UNC13C: variants seen among roughly 807,000 people sequenced by gnomAD.
The protein encoded by UNC13C is protein unc-13 homolog C.
In UNC13C, 174 loss-of-function variants were observed where a neutral mutation model predicts 245.4. That is an observed-to-expected ratio of 0.71 (90% CI 0.63 to 0.80). The LOEUF is 0.80. Among genes scored for constraint, UNC13C ranks in the 30% least tolerant of loss-of-function variants. The pLI is 0.00. For synonymous variants in UNC13C, 992 were observed against 895.1 expected, an observed-to-expected ratio of 1.11 and a Z score of -1.93; for missense variants, 2,829 against 2,602.9, an observed-to-expected ratio of 1.09 and a Z score of -1.89.
At chr15:54,413,183 G>A (rs1446332571) in intron 18 of UNC13C, among the ~76,000 whole-genome samples, 1 of 151,858 alleles carries the variant, frequency 6.6e-6, no homozygotes, top group Admixed American at 6.6e-5. Context: ...ATTTTTTGTT[G>A]AAGATTTTTA....
chr15:54,320,982 C>G (rs750523289), intron 13 of UNC13C: 32 of 418,176 alleles, frequency 7.7e-5, no homozygotes, highest in Non-Finnish European at 1.3e-4. Context: ...ACCATATCCA[C>G]TACCACCACA....
intron 2 of UNC13C, among the ~76,000 whole-genome samples, chr15:54,140,556 C>A (rs970479518): frequency 5.9e-5 from 9 of 152,152 alleles, no homozygotes; most frequent in Non-Finnish European, 1.2e-4. Context: ...AGAAGTGTCA[C>A]AAGTTTCCAG....
At chr15:53,856,042 T>G in the UNC13C span, among the ~76,000 whole-genome samples, 2 of 152,208 alleles carry the variant, frequency 1.3e-5, no homozygotes, top group Non-Finnish European at 2.9e-5. Context: ...TCCAGGAATT[T>G]ATCCATTTTT....
chr15:54,384,225 A>T (rs2039788242), intron 17 of UNC13C, among the ~76,000 whole-genome samples: 1 of 152,104 alleles, frequency 6.6e-6, no homozygotes, highest in African/African-American at 2.4e-5. Context: ...TAAAGAACAA[A>T]CCCGGAGGCA....
intron 17 of UNC13C, among the ~76,000 whole-genome samples, chr15:54,358,173 C>T (rs1163070498): frequency 1.3e-5 from 2 of 151,902 alleles, no homozygotes; most frequent in Non-Finnish European, 2.9e-5. Flanking sequence ...ATACCTTTGG[C>T]CAATGTGTCT....
At chr15:54,166,186 G>A (rs761841671) in intron 4 of UNC13C, among the ~76,000 whole-genome samples, 1 of 151,722 alleles carries the variant, frequency 6.6e-6, no homozygotes, top group Non-Finnish European at 1.5e-5. Flanking sequence ...ATATTCTCTT[G>A]ATTTCTGCCT....
chr15:53,900,937 C>CATT, the UNC13C span, among the ~76,000 whole-genome samples: 1 of 151,962 alleles, frequency 6.6e-6, no homozygotes, highest in African/African-American at 2.4e-5. Context: ...TCCTTTTCAA[C>CATT]ATTAGTCTTG....
the UNC13C span, chr15:53,972,619 T>C: frequency 6.6e-6 from 1 of 152,148 alleles, no homozygotes; most frequent in Non-Finnish European, 1.5e-5. Context: ...ACAAAGGACA[T>C]CGCCACAAAA....
chr15:54,454,317 C>T (rs758562086), intron 19 of UNC13C, among the ~76,000 whole-genome samples: 1 of 152,090 alleles, frequency 6.6e-6, no homozygotes, highest in South Asian at 2.1e-4. Flanking sequence ...TGGCTCACGT[C>T]TGTAATCCCA....
At chr15:53,956,898 G>GTGTGTGTGTGTT in the UNC13C span, among the ~76,000 whole-genome samples, 2 of 151,894 alleles carry the variant, frequency 1.3e-5, no homozygotes, top group Non-Finnish European at 2.9e-5. Flanking sequence ...GTGTGTGTGT[G>GTGTGTGTGTGTT]TGTGTGTGCA....
intron 30 of UNC13C, among the ~76,000 whole-genome samples, chr15:54,589,892 T>A (rs1898694136): frequency 6.6e-6 from 1 of 152,144 alleles, no homozygotes; most frequent in African/African-American, 2.4e-5. Flanking sequence ...GTTTTTCCAA[T>A]GTTATCGTCT....
intron 2 of UNC13C, among the ~76,000 whole-genome samples, chr15:54,024,078 A>C (rs923410226): frequency 1.3e-5 from 2 of 152,190 alleles, no homozygotes; most frequent in Non-Finnish European, 2.9e-5. Context: ...TTATGTGAGA[A>C]TGGGGTAGAT....
At chr15:54,463,158 A>C (rs1162418586) in intron 19 of UNC13C, among the ~76,000 whole-genome samples, 2 of 150,394 alleles carry the variant, frequency 1.3e-5, no homozygotes, top group South Asian at 2.1e-4. Flanking sequence ...GTCTAGCTCA[A>C]GGTTTGTAAA....
chr15:54,293,708 A>T (rs2037359952), intron 10 of UNC13C, among the ~76,000 whole-genome samples, 187 bp from the exon 11 acceptor site: 1 of 152,014 alleles, frequency 6.6e-6, no homozygotes, highest in African/African-American at 2.4e-5. Context: ...TATTAACATT[A>T]TTTAGCTTTT....
rs199950430 is a variant in UNC13C at position 54,457,524 on chromosome 15, A to AT, written c.4934-37077dup. On this transcript the variant is annotated intron_variant, in intron 19 of 32. Coordinates refer to ENST00000260323, the MANE Select transcript of UNC13C (RefSeq NM_001080534.3). ...TCTGGCCGTGGACTTTTTTTTGGCA[A>AT]TTTTTTTAAAGACTATTTTAGTCTT... 8.4e-3 allele frequency among the ~76,000 whole-genome samples: 1,270 copies of AT among 151,788 alleles called. 8 individuals are homozygous for AT. Among genetic ancestry groups the AT allele is most frequent in the Middle Eastern group, 0.034 (10 of 294 alleles).
intron 18 of UNC13C, among the ~76,000 whole-genome samples, chr15:54,414,714 C>A (rs1477726677): frequency 6.6e-6 from 1 of 152,022 alleles, no homozygotes; most frequent in African/African-American, 2.4e-5. Context: ...ACACTCATCA[C>A]AAGACATCCA....
the UNC13C span, among the ~76,000 whole-genome samples, chr15:53,845,824 A>G: frequency 6.6e-6 from 1 of 152,160 alleles, no homozygotes; most frequent in Non-Finnish European, 1.5e-5. Context: ...GGCAGACCCA[A>G]TTGACACTTG....
the UNC13C span, among the ~76,000 whole-genome samples, chr15:53,863,272 C>T: frequency 6.6e-6 from 1 of 152,300 alleles, no homozygotes; most frequent in Admixed American, 6.5e-5. Context: ...GCTCTACCCT[C>T]CAGGCTGTCT....
At chr15:54,215,310 AT>A (rs1205877395) in intron 4 of UNC13C, among the ~76,000 whole-genome samples, 2 of 152,042 alleles carry the variant, frequency 1.3e-5, no homozygotes, top group East Asian at 3.9e-4. Context: ...ACCTAGGACC[AT>A]TTGGTTATTT....
Sources: allele counts gnomAD v4.1 joint callset (sites outside exome capture counted in the v4.1 genomes callset), GRCh38; gene constraint gnomAD v4.1.1; transcripts MANE v1.5; gene names NCBI Gene and HGNC (gene_info 2026-07-23, HGNC 2026-07-21).